ITPR1: variants seen among roughly 807,000 people sequenced by gnomAD.
ITPR1 encodes the protein inositol 1,4,5-trisphosphate receptor type 1, also known as inositol 1,4,5-trisphosphate-gated calcium channel ITPR1.
In ITPR1, 96 loss-of-function variants were observed where a neutral mutation model predicts 318.4. The observed-to-expected ratio is 0.30, with a 90% CI of 0.26 to 0.36. ITPR1 has a LOEUF of 0.36. Among genes scored for constraint, ITPR1 ranks in the 10% least tolerant of loss-of-function variants. The pLI is 1.00. For missense variants in ITPR1, 2,440 were observed against 3,460.2 expected (o/e 0.71, Z 7.40); for synonymous variants, 1,312 against 1,289.9 (o/e 1.02, Z -0.37).
intron 40 of ITPR1, among the ~76,000 whole-genome samples, chr3:4,718,768 A>C (rs2041942668): frequency 6.6e-6 from 1 of 152,302 alleles, no homozygotes; most frequent in South Asian, 2.1e-4. Flanking sequence ...GCACCAACTT[A>C]ATTAACTGCC....
chr3:4,606,826 C>A lies in ITPR1; in HGVS notation c.164-20937C>A, dbSNP rs577498809. Among the ~76,000 whole-genome samples the A allele has an allele frequency of 2.9e-4, 44 of 152,034 alleles. 1 individual carries two copies. In the South Asian group the frequency reaches 8.7e-3, roughly 30 times the overall value. ...CTTTTTGGCATAATAAATTGGGGTC[C>A]GAGTTTTTATTTTCTTTCACAAGTT... On this transcript the variant is annotated intron_variant, in intron 4 of 61. Transcript: ENST00000649015.
At chr3:4,789,686 C>T (rs1190004317) in intron 52 of ITPR1, among the ~76,000 whole-genome samples, 3 of 152,160 alleles carry the variant, frequency 2.0e-5, no homozygotes, top group Non-Finnish European at 4.4e-5. Flanking sequence ...GTGGCGCGAT[C>T]TCGGGTCACT....
At chr3:4,770,930 G>A (rs2046147520) in intron 46 of ITPR1, among the ~76,000 whole-genome samples, 1 of 152,152 alleles carries the variant, frequency 6.6e-6, no homozygotes, top group Admixed American at 6.5e-5. Context: ...GGGGGAGTGA[G>A]TGACCCACAG....
intron 4 of ITPR1, among the ~76,000 whole-genome samples, chr3:4,583,620 G>C (rs2089580825): frequency 6.6e-6 from 1 of 152,236 alleles, no homozygotes. Context: ...GCTTGAGCCT[G>C]TTCCTCCTTG....
intron 54 of ITPR1, 25 bp downstream of exon 54, chr3:4,800,625 A>G: frequency 3.1e-6 from 5 of 1,609,746 alleles, no homozygotes; most frequent in Non-Finnish European, 3.4e-6. Flanking sequence ...CTTCCTTGCC[A>G]CTGTTTTGTT....
chr3:4,675,788 CAAT>C (rs2094172561), intron 23 of ITPR1, among the ~76,000 whole-genome samples: 1 of 152,056 alleles, frequency 6.6e-6, no homozygotes, highest in Non-Finnish European at 1.5e-5. Flanking sequence ...TATCATGTAT[CAAT>C]TATTGTTAAC....
At chr3:4,791,931 C>A (rs1266103359) in intron 52 of ITPR1, among the ~76,000 whole-genome samples, 2 of 152,184 alleles carry the variant, frequency 1.3e-5, no homozygotes, top group Admixed American at 6.5e-5. Flanking sequence ...AAGCTTACAA[C>A]AACATACGTT....
intron 44 of ITPR1, among the ~76,000 whole-genome samples, chr3:4,765,425 A>G (rs1003384793): frequency 1.3e-5 from 2 of 152,190 alleles, no homozygotes; most frequent in Non-Finnish European, 2.9e-5. Context: ...CTGAAGTTGC[A>G]TGTCGACGAT....
intron 54 of ITPR1, among the ~76,000 whole-genome samples, chr3:4,804,895 G>A (rs578090158): frequency 2.6e-5 from 4 of 152,164 alleles, no homozygotes; most frequent in East Asian, 3.9e-4. Context: ...TATTTCCCCC[G>A]CACCTGTGGC....
At chr3:4,572,822 A>G (rs2088169865) in intron 4 of ITPR1, among the ~76,000 whole-genome samples, 2 of 152,250 alleles carry the variant, frequency 1.3e-5, no homozygotes, top group African/African-American at 4.8e-5. Context: ...GATACCTCAT[A>G]TAACTGGAGT....
intron 4 of ITPR1, among the ~76,000 whole-genome samples, chr3:4,539,509 G>A (rs748614510): frequency 6.6e-6 from 1 of 152,084 alleles, no homozygotes; most frequent in African/African-American, 2.4e-5. Flanking sequence ...TTGGGCTTAT[G>A]GAATTGTTCC....
intron 2 of ITPR1, among the ~76,000 whole-genome samples, chr3:4,508,611 T>G (rs1277068799): frequency 6.6e-6 from 1 of 151,990 alleles, no homozygotes; most frequent in Non-Finnish European, 1.5e-5. Flanking sequence ...AAAAAAAAAT[T>G]CCAAACCTAT....
intron 52 of ITPR1, among the ~76,000 whole-genome samples, chr3:4,790,500 T>A (rs1428792531): frequency 1.3e-5 from 2 of 152,210 alleles, no homozygotes; most frequent in Non-Finnish European, 2.9e-5. Context: ...TATCTGCTGG[T>A]AAGAGAGAAA....
intron 4 of ITPR1, among the ~76,000 whole-genome samples, chr3:4,610,396 C>T (rs1398250014): frequency 2.0e-5 from 3 of 152,172 alleles, no homozygotes; most frequent in African/African-American, 7.2e-5. Flanking sequence ...TCAAGAGAGA[C>T]AGTCTGCTCT....
intron 2 of ITPR1, among the ~76,000 whole-genome samples, chr3:4,515,104 G>A (rs2082087666): frequency 6.6e-6 from 1 of 152,158 alleles, no homozygotes; most frequent in Non-Finnish European, 1.5e-5. Context: ...CTCCTGCAAT[G>A]TCTGGGTTGT....
intron 61 of ITPR1, among the ~76,000 whole-genome samples, chr3:4,838,145 C>A (rs924974685): frequency 6.6e-6 from 1 of 152,134 alleles, no homozygotes; most frequent in African/African-American, 2.4e-5. Context: ...CCCTGAGATA[C>A]CATTTGGCCT....
intron 10 of ITPR1, among the ~76,000 whole-genome samples, chr3:4,648,639 G>T (rs898373229): frequency 6.6e-6 from 1 of 152,086 alleles, no homozygotes; most frequent in African/African-American, 2.4e-5. Context: ...GTGAAACCCT[G>T]TCTCTACTAA....
Position 4,669,571 on chromosome 3 carries a change from T to C in ITPR1, c.1887-83T>C. On this transcript the variant is annotated intron_variant, in intron 18 of 61. Transcript: ENST00000649015. ...TGTCTTGGTAAAGGTATGTTGGACC[T>C]GTGCACTTAAGGAAGAATTGGGGTC... The C allele has an allele frequency of 6.5e-6, 9 of 1,375,094 alleles. No homozygotes were observed. In the South Asian group the frequency reaches 1.2e-4, roughly 18 times the overall value. The allele number at this position is 1,375,094 out of a possible 1,614,324, so 85.2% of individuals were successfully genotyped here. A position where few individuals can be genotyped will look rare whatever the true frequency, so the allele number is the denominator to read the frequency against.
chr3:4,651,364 C>T (rs1027477220), intron 10 of ITPR1, among the ~76,000 whole-genome samples: 3 of 152,190 alleles, frequency 2.0e-5, no homozygotes, highest in East Asian at 3.9e-4. Flanking sequence ...TCTCCCTAAA[C>T]TTTGATCTGT....
Sources: gnomAD v4.1 joint callset for allele counts (sites outside exome capture counted in the v4.1 genomes callset) on GRCh38, gnomAD v4.1.1 for gene constraint, MANE v1.5 for transcripts, NCBI Gene and HGNC (gene_info 2026-07-23, HGNC 2026-07-21) for gene names.